PLBD2: variants seen among roughly 807,000 people sequenced by gnomAD.
The protein encoded by PLBD2 is phospholipase B domain containing 2.
Under a neutral mutation model 68.3 loss-of-function variants are expected in PLBD2, and 51 were observed. That is an observed-to-expected ratio of 0.75 (90% CI 0.60 to 0.94). PLBD2 has a LOEUF of 0.94. PLBD2 is among the 40% of genes least tolerant of loss of function. The pLI is 0.00. For synonymous variants in PLBD2, 314 were observed against 339.3 expected (o/e 0.93, Z 0.82); for missense variants, 729 against 792.2 (o/e 0.92, Z 0.96).
Position 113,374,477 on chromosome 12 carries a change from C to T in PLBD2, c.547C>T (p.Arg183Trp), listed in dbSNP as rs1156572600. ...CTGCCCCCGCCCCCTCCCCTAGGTG[C>T]GGCTGACCCTCCTGCAGCTGAAAGG... ...NPDSPYWHQV[R>W]LTLLQLKGLE... is the part of the protein sequence containing the mutation. The change falls in exon 4 of 12, where the codon CGG becomes TGG. Residue 183 changes from arginine (R) to tryptophan (W), a missense_variant. Arg to Trp is a moderately radical substitution (Grantham distance 101). Coordinates refer to ENST00000280800, the MANE Select transcript of PLBD2 (RefSeq NM_173542.4). 5.7e-6 allele frequency: 9 copies of T among 1,592,488 alleles called. No homozygotes were observed. The highest frequency in any genetic ancestry group is 6.8e-6 in the Non-Finnish European group (8 of 1,169,742).
intron 1 of PLBD2, among the ~76,000 whole-genome samples, chr12:113,368,055 C>T (rs1957357127): frequency 6.6e-6 from 1 of 151,888 alleles, no homozygotes; most frequent in Non-Finnish European, 1.5e-5. Flanking sequence ...ACCCCCCAGC[C>T]TGGGAAACAG....
rs762735757 is a variant in PLBD2 at position 113,374,848 on chromosome 12, A to C, written c.700A>C (p.Lys234Gln). The C allele has an allele frequency of 1.2e-6, 2 of 1,613,900 alleles. No individual in the cohort carries two copies. Among genetic ancestry groups the C allele is most frequent in the Non-Finnish European group, 1.7e-6 (2 of 1,180,022 alleles). Residue 234 changes from lysine to glutamine, a missense_variant, in exon 5 of 12, where the codon AAG becomes CAG. By Grantham distance (53) the Lys-to-Gln change is moderately conservative. Coordinates refer to ENST00000280800, the MANE Select transcript of PLBD2 (RefSeq NM_173542.4). ...CCTGGAGCTGGCCCTGAACAAGACC[A>C]AGATCAAACCTTCTCTGGGCTCTGG... Reference protein sequence around the residue: ...EDLELALNKTKIKPSLGSGSC... With the variant: ...EDLELALNKTQIKPSLGSGSC...
chr12:113,384,281 G>A lies in PLBD2; in HGVS notation c.1118+16G>A, dbSNP rs1957526815. On this transcript the variant is annotated intron_variant, in intron 7 of 11. Coordinates refer to ENST00000280800, the MANE Select transcript of PLBD2 (RefSeq NM_173542.4). This position sits in a 1 kb window ranked among gnomAD's most constrained non-coding sequence, Gnocchi z 4.2. ...ACAGCGGCACGTGAGTGGGCTTCTG[G>A]CCCTGTGGCTTCCCCTGCACCAAGA... 1 of 1,599,904 alleles carries A rather than the reference G, an allele frequency of 6.3e-7. No individual in the cohort carries two copies. The highest frequency in any genetic ancestry group is 8.5e-7 in the Non-Finnish European group (1 of 1,171,960).
At chr12:113,367,265 A>C (rs1957349687) in intron 1 of PLBD2, among the ~76,000 whole-genome samples, 1 of 152,250 alleles carries the variant, frequency 6.6e-6, no homozygotes, top group Non-Finnish European at 1.5e-5. Context: ...AAATATATGT[A>C]ACTCAACTAA....
chr12:113,360,489 G>C (rs535190583), intron 1 of PLBD2, among the ~76,000 whole-genome samples: 9 of 152,296 alleles, frequency 5.9e-5, no homozygotes, highest in Non-Finnish European at 8.8e-5. Flanking sequence ...TGGAGAGAAG[G>C]CTTCCTTGAT....
rs1439178663 is a variant in PLBD2, at chr12:113,391,109, A to C, written c.*2483A>C. ...TATTTGGGAGCCTTGTTAACCACCA[A>C]GACCTTCCTAAGCCATATTGTGGTA... On this transcript the variant is annotated 3_prime_UTR_variant, in exon 12 of 12. Coordinates refer to ENST00000280800, the MANE Select transcript of PLBD2 (RefSeq NM_173542.4). 6.6e-6 allele frequency: 1 copy of C among 152,180 alleles called. No individual in the cohort carries two copies. Among genetic ancestry groups the C allele is most frequent in the African/African-American group, 2.4e-5 (1 of 41,454 alleles). The allele number at this position is 152,180 out of a possible 1,614,324, so 9.4% of individuals were successfully genotyped here. A position where few individuals can be genotyped will look rare whatever the true frequency, so the allele number is the denominator to read the frequency against.
At chr12:113,383,992 A>T in intron 6 of PLBD2, 113 bp from the exon 7 acceptor site, 1 of 873,786 alleles carries the variant, frequency 1.1e-6, no homozygotes, top group Non-Finnish European at 1.6e-6. Context: ...GTGAGACTCT[A>T]TCTCAAAAAA....
chr12:113,362,041 A>G (rs565265312), intron 1 of PLBD2, among the ~76,000 whole-genome samples: 2 of 152,316 alleles, frequency 1.3e-5, no homozygotes, highest in Non-Finnish European at 2.9e-5. Context: ...AGATGAATCT[A>G]TACCATCAAG....
chr12:113,370,932 T>C (rs1281226164), intron 2 of PLBD2, among the ~76,000 whole-genome samples: 1 of 152,214 alleles, frequency 6.6e-6, no homozygotes, highest in East Asian at 1.9e-4. Flanking sequence ...AGCACCTGCC[T>C]GTAATCCCAG....
intron 9 of PLBD2, among the ~76,000 whole-genome samples, chr12:113,386,192 G>A (rs980551641): frequency 6.6e-6 from 1 of 151,394 alleles, no homozygotes; most frequent in African/African-American, 2.4e-5. Flanking sequence ...GTTGTTGTTT[G>A]TTTGTTTGTT....
At chr12:113,359,350 C>T (rs1056116153) in intron 1 of PLBD2, 8 of 155,192 alleles carry the variant, frequency 5.2e-5, no homozygotes, top group Non-Finnish European at 2.8e-5. Context: ...GTGGCTTGCT[C>T]GTGGGTGCCA....
At position 113,386,952 on chromosome 12, in the gene PLBD2, G is replaced by A. The variant is rs370292145; in HGVS notation, c.1302G>A (p.Val434=). The A allele has an allele frequency of 4.3e-6, 7 of 1,613,230 alleles. No individual in the cohort carries two copies. The highest frequency in any genetic ancestry group is 5.9e-6 in the Non-Finnish European group (7 of 1,179,676). ...TCCCCGGCAGGTCCTTCGAGACTGTGTTCAATGCCAGTGGGCTGCAGGCCC... is the reference window on the plus strand; with the variant it reads ...TCCCCGGCAGGTCCTTCGAGACTGTATTCAATGCCAGTGGGCTGCAGGCCC... ...ASYNIPSFET[V]FNASGLQALV... is the part of the protein sequence containing the mutation. The change falls in exon 10 of 12, where the codon GTG becomes GTA. Residue 434 remains valine (V), a synonymous_variant. Transcript: ENST00000280800.
chr12:113,387,014 G>A lies in PLBD2; in HGVS notation c.1364G>A (p.Gly455Glu), dbSNP rs1336013027. 6.2e-7 allele frequency: 1 copy of A among 1,612,462 alleles called. No individual in the cohort carries two copies. Among genetic ancestry groups the A allele is most frequent in the African/African-American group, 1.3e-5 (1 of 74,996 alleles). The change falls in exon 10 of 12, where the codon GGG becomes GAG. Residue 455 changes from glycine (G) to glutamate (E), a missense_variant. Gly to Glu is a moderately conservative substitution (Grantham distance 98). Coordinates refer to ENST00000280800, the MANE Select transcript of PLBD2 (RefSeq NM_173542.4). ...TATGGGGACTGGTTTTCTTATGACG[G>A]GAGCCCCCGGGCCCAGATCTTCCGG... ...AQYGDWFSYD[G>E]SPRAQIFRRN...
intron 6 of PLBD2, among the ~76,000 whole-genome samples, chr12:113,382,329 T>C (rs1957498768): frequency 6.6e-6 from 1 of 152,248 alleles, no homozygotes; most frequent in Admixed American, 6.5e-5. Context: ...TTAAGGTATG[T>C]ACAGCCTTGT....
Position 113,387,798 on chromosome 12 carries a change from G to T in PLBD2, c.1494G>T (p.Gln498His), listed in dbSNP as rs1464869288. 6.2e-7 allele frequency: 1 copy of T among 1,614,024 alleles called. No individual in the cohort carries two copies. Among genetic ancestry groups the T allele is most frequent in the East Asian group, 2.2e-5 (1 of 44,892 alleles). The part of the protein sequence containing the change: ...PLSLCKACNP[Q>H]PNGENAISAR... ...CACTGTGCAAAGCCTGCAACCCCCAGCCCAATGGGGAGAATGCTATCTCCG... is the reference window on the plus strand; with the variant it reads ...CACTGTGCAAAGCCTGCAACCCCCATCCCAATGGGGAGAATGCTATCTCCG... The change falls in exon 11 of 12, where the codon CAG becomes CAT. Residue 498 changes from glutamine (Q) to histidine (H), a missense_variant. Physicochemically the swap from Gln to His is conservative, Grantham distance 24. Transcript: ENST00000280800.
chr12:113,383,012 A>T (rs1054727285), intron 6 of PLBD2, among the ~76,000 whole-genome samples: 7 of 151,794 alleles, frequency 4.6e-5, no homozygotes, highest in African/African-American at 1.7e-4. Flanking sequence ...CTGGGATTAC[A>T]TGAGTTTTGT....
At chr12:113,387,234 C>T (rs780727434) in intron 10 of PLBD2, 145 bp downstream of exon 10, 40 of 1,008,082 alleles carry the variant, frequency 4.0e-5, no homozygotes, top group Non-Finnish European at 4.8e-5. Context: ...GACACCAGTG[C>T]AGCAGCTCGG....
chr12:113,380,745 G>C lies in PLBD2; in HGVS notation c.860G>C (p.Gly287Ala), dbSNP rs1311161689. ...YWLQFREGPW[G>A]DYPLVPGNKL... ...TCCCTGGCTCGCTCTGCCTGCACAG[G>C]GGACTACCCGCTGGTTCCCGGCAAC... The change falls in exon 6 of 12, where the codon GGG (glycine) becomes GCG (alanine). Residue 287 changes from glycine (G) to alanine (A), a missense_variant and splice_region_variant. By Grantham distance (60) the Gly-to-Ala change is moderately conservative. Coordinates refer to ENST00000280800, the MANE Select transcript of PLBD2 (RefSeq NM_173542.4). 1 of 1,549,252 alleles carries C rather than the reference G, an allele frequency of 6.5e-7. No individual in the cohort carries two copies. The highest frequency in any genetic ancestry group is 8.7e-7 in the Non-Finnish European group (1 of 1,147,062).
rs1018379881 is a variant in PLBD2 at position 113,384,526 on chromosome 12, G to A, written c.1118+261G>A. On this transcript the variant is annotated intron_variant, in intron 7 of 11. Transcript: ENST00000280800. This position sits in a 1 kb window ranked among gnomAD's most constrained non-coding sequence, Gnocchi z 4.2. ...CCTGAAGACTCTCAAGGGGACAGTG[G>A]GGAGGGCTGTTTGAGGAGGTGGACG... 2.0e-5 allele frequency among the ~76,000 whole-genome samples: 3 copies of A among 152,312 alleles called. No individual in the cohort carries two copies. Among genetic ancestry groups the A allele is most frequent in the Admixed American group, 6.5e-5 (1 of 15,294 alleles).
Sources: allele counts gnomAD v4.1 joint callset (sites outside exome capture counted in the v4.1 genomes callset), GRCh38; gene constraint gnomAD v4.1.1; non-coding constraint Gnocchi (gnomAD v3.1); transcripts MANE v1.5; gene names NCBI Gene and HGNC (gene_info 2026-07-23, HGNC 2026-07-21).